The following NBEAL1 variants were observed in gnomAD, a reference collection of about 807,000 sequenced individuals.
NBEAL1 encodes the protein neurobeachin like 1, also known as neurobeachin-like protein 1.
Under a neutral mutation model 351.3 loss-of-function variants are expected in NBEAL1, and 273 were observed. That is an observed-to-expected ratio of 0.78 (90% CI 0.70 to 0.86). NBEAL1 has a LOEUF of 0.86. Among genes scored for constraint, NBEAL1 ranks in the 40% least tolerant of loss-of-function variants. The probability of loss-of-function intolerance (pLI) is 0.00; values close to 1 mark genes in which losing one functional copy is unlikely to be tolerated. For missense variants in NBEAL1, 2,961 were observed against 3,201.3 expected (o/e 0.92, Z 1.81); for synonymous variants, 1,050 against 1,086.4 (o/e 0.97, Z 0.66).
intron 7 of NBEAL1, among the ~76,000 whole-genome samples, chr2:203,077,285 G>A (rs555017058): frequency 2.6e-4 from 40 of 152,012 alleles, no homozygotes; most frequent in African/African-American, 8.0e-4. Context: ...CAGGAGAATC[G>A]CTTGAATCTG....
At chr2:203,203,320 T>C (rs570954094) in intron 51 of NBEAL1, among the ~76,000 whole-genome samples, 33 of 151,482 alleles carry the variant, frequency 2.2e-4, no homozygotes, top group Admixed American at 1.9e-3. Context: ...TTTTTTTTAT[T>C]GTATTTTTTG....
intron 36 of NBEAL1, among the ~76,000 whole-genome samples, chr2:203,163,018 A>T (rs1262640669): frequency 6.6e-6 from 1 of 152,116 alleles, no homozygotes; most frequent in African/African-American, 2.4e-5. Context: ...TTAGCCAGAC[A>T]TGGGGGTGAG....
In NBEAL1 at chr2:203,220,116, G is replaced by A. The variant is rs2065938956; in HGVS notation, c.*2762G>A. Among the ~76,000 whole-genome samples, 1 of 152,108 alleles carries A rather than the reference G, an allele frequency of 6.6e-6. No individual in the cohort carries two copies. The highest frequency in any genetic ancestry group is 1.5e-5 in the Non-Finnish European group (1 of 68,006). On this transcript the variant is annotated 3_prime_UTR_variant, in exon 56 of 56. Coordinates refer to ENST00000683969, the MANE Select transcript of NBEAL1 (RefSeq NM_001378026.1). Reference sequence around the variant, plus strand: ...TTATATATTATATAATGGGAGAAATGAACAGTATCATTGGAATGAAATAAC... The same window carrying A: ...TTATATATTATATAATGGGAGAAATAAACAGTATCATTGGAATGAAATAAC...
chr2:203,177,219 T>C (rs1333392944), intron 42 of NBEAL1, among the ~76,000 whole-genome samples: 1 of 148,222 alleles, frequency 6.7e-6, no homozygotes, highest in East Asian at 2.0e-4. Flanking sequence ...GACTTTTATA[T>C]ATTTGTACCT....
At chr2:203,210,114 G>A (rs936247934) in intron 53 of NBEAL1, among the ~76,000 whole-genome samples, 1 of 152,060 alleles carries the variant, frequency 6.6e-6, no homozygotes, top group African/African-American at 2.4e-5. Flanking sequence ...TGTAATCCCA[G>A]CACTTTGGGA....
chr2:203,132,921 T>C, intron 26 of NBEAL1, 137 bp from the exon 27 acceptor site: 1 of 549,202 alleles, frequency 1.8e-6, no homozygotes, highest in South Asian at 2.6e-5. Context: ...CTATTTTTTC[T>C]TTAAAATTTG....
At chr2:203,173,735 A>G (rs1173367626) in intron 41 of NBEAL1, among the ~76,000 whole-genome samples, 2 of 152,136 alleles carry the variant, frequency 1.3e-5, no homozygotes, top group Admixed American at 6.5e-5. Context: ...AAACACTCAT[A>G]TAAATAACTT....
intron 6 of NBEAL1, among the ~76,000 whole-genome samples, chr2:203,058,840 G>A (rs1267266982): frequency 6.6e-6 from 1 of 152,196 alleles, no homozygotes; most frequent in Non-Finnish European, 1.5e-5. Context: ...GGGTGGGTTG[G>A]TAGCTTAGTG....
rs551898124 is a variant in NBEAL1, at chr2:203,110,156, T to A, written c.1956T>A (p.Phe652Leu). Reference protein sequence around the residue: ...GGKRKQLYSFFTGSGMGFEAF... With the variant: ...GGKRKQLYSFLTGSGMGFEAF... ...TAATACGTATTTTTTTTAGTTTTTTTACAGGAAGTGGCATGGGTTTTGAAG... is the reference window on the plus strand; with the variant it reads ...TAATACGTATTTTTTTTAGTTTTTTAACAGGAAGTGGCATGGGTTTTGAAG... The change falls in exon 15 of 56, where the codon TTT (phenylalanine) becomes TTA (leucine). Residue 652 changes from phenylalanine (F) to leucine (L), a missense_variant. Physicochemically the swap from Phe to Leu is conservative, Grantham distance 22 (BLOSUM62 0). Coordinates refer to ENST00000683969, the MANE Select transcript of NBEAL1 (RefSeq NM_001378026.1). The A allele has an allele frequency of 6.5e-7, 1 of 1,544,292 alleles. No homozygotes were observed. Among genetic ancestry groups the A allele is most frequent in the African/African-American group, 1.4e-5 (1 of 72,652 alleles).
chr2:203,120,911 A>G (rs761718385), intron 18 of NBEAL1, among the ~76,000 whole-genome samples: 4 of 152,192 alleles, frequency 2.6e-5, no homozygotes, highest in African/African-American at 7.2e-5. Context: ...GATTAAAGCA[A>G]TTTTTCTCAA....
chr2:203,199,491 C>T (rs754130050), intron 49 of NBEAL1, 44 bp downstream of exon 49: 1 of 932,182 alleles, frequency 1.1e-6, no homozygotes, highest in Non-Finnish European at 1.7e-6. Flanking sequence ...TACCAGATAC[C>T]TTATTGCCAG....
intron 48 of NBEAL1, 98 bp from the exon 49 acceptor site, chr2:203,199,240 C>T (rs1469821707): frequency 7.4e-6 from 5 of 677,638 alleles, no homozygotes; most frequent in Non-Finnish European, 1.3e-5. Flanking sequence ...ACAGTGTTCC[C>T]TAAGTGATAA....
chr2:203,152,625 A>G (rs769977979), intron 35 of NBEAL1, among the ~76,000 whole-genome samples: 2 of 151,818 alleles, frequency 1.3e-5, no homozygotes, highest in Non-Finnish European at 2.9e-5. Flanking sequence ...CACTATTTCA[A>G]AACAGATCTT....
At chr2:203,182,796 C>T (rs2064770184) in intron 43 of NBEAL1, 1 of 152,122 alleles carries the variant, frequency 6.6e-6, no homozygotes, top group African/African-American at 2.4e-5. Flanking sequence ...TATCAAAATG[C>T]CATGTTCTAA....
chr2:203,082,342 G>T (rs1192680114), intron 8 of NBEAL1, among the ~76,000 whole-genome samples: 1 of 152,136 alleles, frequency 6.6e-6, no homozygotes, highest in East Asian at 1.9e-4. Flanking sequence ...TATTGGGTGG[G>T]CCATTAGCAG....
chr2:203,026,795 G>A (rs1304377919), intron 2 of NBEAL1, among the ~76,000 whole-genome samples: 1 of 152,186 alleles, frequency 6.6e-6, no homozygotes, highest in Non-Finnish European at 1.5e-5. Flanking sequence ...TTACAGGCGT[G>A]AGCCACAGCC....
intron 3 of NBEAL1, among the ~76,000 whole-genome samples, chr2:203,044,366 T>G (rs1296383806): frequency 6.6e-6 from 1 of 152,240 alleles, no homozygotes; most frequent in Non-Finnish European, 1.5e-5. Context: ...TCTGTTTTAA[T>G]AATTTATAGC....
chr2:203,070,761 A>G (rs1436046877), intron 7 of NBEAL1, among the ~76,000 whole-genome samples: 1 of 152,080 alleles, frequency 6.6e-6, no homozygotes, highest in East Asian at 1.9e-4. Context: ...ATCTCATGAG[A>G]ACTCTGTCAT....
chr2:203,134,100 CA>C (rs1338894445), intron 27 of NBEAL1, among the ~76,000 whole-genome samples: 2 of 151,950 alleles, frequency 1.3e-5, no homozygotes, highest in Non-Finnish European at 2.9e-5. Context: ...TGGATTTTTC[CA>C]CATTGTCCTT....
Sources: allele counts gnomAD v4.1 joint callset (sites outside exome capture counted in the v4.1 genomes callset), GRCh38; gene constraint gnomAD v4.1.1; transcripts MANE v1.5; gene names NCBI Gene and HGNC (gene_info 2026-07-23, HGNC 2026-07-21).